Variants in CMC1 observed in about 807,000 individuals in gnomAD.
The protein encoded by CMC1 is COX assembly mitochondrial protein homolog.
In CMC1, 14 loss-of-function variants were observed where a neutral mutation model predicts 14.1. The observed-to-expected ratio is 0.99, with a 90% confidence interval of 0.66 to 1.55. The LOEUF (loss-of-function observed/expected upper bound fraction) is 1.55, where lower values mean the gene tolerates loss of function less well. CMC1 is among the 40% of genes most tolerant of loss of function. The pLI, the probability that CMC1 is intolerant of heterozygous loss-of-function variation, is 0.00. For missense variants in CMC1, 127 were observed against 123.8 expected (o/e 1.03, Z -0.12); for synonymous variants, 50 against 38.4 (o/e 1.30, Z -1.12).
intron 2 of CMC1, among the ~76,000 whole-genome samples, chr3:28,309,129 T>C (rs191224725): frequency 5.8e-4 from 88 of 152,276 alleles, no homozygotes; most frequent in Non-Finnish European, 1.0e-3. Flanking sequence ...TTCTTCTTTT[T>C]CTCCTAGCGT....
In CMC1 at chr3:28,319,320, A is replaced by G. The variant is rs1405655164; in HGVS notation, c.201-189A>G. ...GCTCTATTCTGTGACAGTGCTATAT[A>G]AAAATGAATGATTTGGTCTTTAGTT... On this transcript the variant is annotated intron_variant, in intron 3 of 3. Coordinates refer to ENST00000466830, the MANE Select transcript of CMC1 (RefSeq NM_182523.2). The G allele has an allele frequency of 4.7e-6, 3 of 636,484 alleles. No homozygotes were observed. The Admixed American group carries it at 6.3e-5, about 13-fold the overall frequency. The allele number at this position is 636,484 out of a possible 1,614,324, so 39.4% of individuals were successfully genotyped here. A position where few individuals can be genotyped will look rare whatever the true frequency, so the allele number is the denominator to read the frequency against.
At chr3:28,286,635 T>A (rs1692326568) in intron 2 of CMC1, among the ~76,000 whole-genome samples, 1 of 152,212 alleles carries the variant, frequency 6.6e-6, no homozygotes, top group Admixed American at 6.5e-5. Flanking sequence ...ATATTTTGCA[T>A]TAGTGAATGG....
At chr3:28,283,330 A>G (rs914473802) in intron 2 of CMC1, among the ~76,000 whole-genome samples, 2 of 151,864 alleles carry the variant, frequency 1.3e-5, no homozygotes, top group Non-Finnish European at 1.5e-5. Flanking sequence ...CCTGGCCAAC[A>G]TGGCGAAACC....
chr3:28,252,503 A>G (rs1331669975), intron 1 of CMC1, among the ~76,000 whole-genome samples: 1 of 152,164 alleles, frequency 6.6e-6, no homozygotes, highest in Non-Finnish European at 1.5e-5. Context: ...CTTGCTTTTA[A>G]AAATATTTTT....
Position 28,241,641 on chromosome 3 carries a change from G to T in CMC1, c.-153G>T. The T allele has an allele frequency of 8.1e-7, 1 of 1,232,208 alleles. No homozygotes were observed. The highest frequency in any genetic ancestry group is 3.2e-5 in the East Asian group (1 of 31,648). 76.3% of individuals were successfully genotyped at this position (1,232,208 alleles called of 1,614,324 possible). On this transcript the variant is annotated 5_prime_UTR_variant, in exon 1 of 4. Transcript: ENST00000466830. ...AGGAGCCTGGGAAGGAAGAGGGAAC[G>T]GGTCCTGGCGGTGCTTTGCAAAGGG...
At chr3:28,300,666 T>C in intron 2 of CMC1, among the ~76,000 whole-genome samples, 1 of 89,714 alleles carries the variant, frequency 1.1e-5, no homozygotes, top group Non-Finnish European at 2.2e-5. Flanking sequence ...TCCCTCCCTT[T>C]CCCTCCCTTT....
At chr3:28,249,334 A>G (rs1699007321) in intron 1 of CMC1, among the ~76,000 whole-genome samples, 1 of 152,266 alleles carries the variant, frequency 6.6e-6, no homozygotes, top group Non-Finnish European at 1.5e-5. Flanking sequence ...TGATTGGTAC[A>G]TAATAGGTAC....
intron 2 of CMC1, among the ~76,000 whole-genome samples, chr3:28,283,697 A>G (rs1701030523): frequency 6.6e-6 from 1 of 152,166 alleles, no homozygotes; most frequent in Non-Finnish European, 1.5e-5. Flanking sequence ...ACTGTTCCAG[A>G]CAGATGATAT....
At chr3:28,301,357 C>T (rs1333268756) in intron 2 of CMC1, among the ~76,000 whole-genome samples, 1 of 151,926 alleles carries the variant, frequency 6.6e-6, no homozygotes, top group Non-Finnish European at 1.5e-5. Flanking sequence ...GTAAACAGTA[C>T]TACATGCGTG....
intron 2 of CMC1, among the ~76,000 whole-genome samples, chr3:28,309,685 A>C (rs1702519549): frequency 6.6e-6 from 1 of 152,092 alleles, no homozygotes; most frequent in African/African-American, 2.4e-5. Context: ...TCTGTGCAGA[A>C]GAAAACATGA....
At chr3:28,281,584 A>G (rs1156543752) in intron 2 of CMC1, among the ~76,000 whole-genome samples, 1 of 152,226 alleles carries the variant, frequency 6.6e-6, no homozygotes. Flanking sequence ...GAAGTGCTGT[A>G]GATACAGAGT....
At chr3:28,308,833 A>T (rs1039056352) in intron 2 of CMC1, among the ~76,000 whole-genome samples, 1 of 152,108 alleles carries the variant, frequency 6.6e-6, no homozygotes, top group Non-Finnish European at 1.5e-5. Flanking sequence ...AATACAAAAA[A>T]TTAGCCCTGT....
intron 2 of CMC1, among the ~76,000 whole-genome samples, chr3:28,297,702 A>AT (rs1464526478): frequency 2.0e-5 from 3 of 152,002 alleles, no homozygotes; most frequent in African/African-American, 4.8e-5. Context: ...CAATTGTGAG[A>AT]TTTTACATAA....
intron 1 of CMC1, among the ~76,000 whole-genome samples, chr3:28,257,985 T>G (rs980922838): frequency 2.0e-5 from 3 of 151,050 alleles, no homozygotes; most frequent in Admixed American, 1.3e-4. Flanking sequence ...ATTTTTAATT[T>G]TAGTCATTCT....
intron 3 of CMC1, 154 bp downstream of exon 3, chr3:28,316,577 A>G (rs1197718691): frequency 2.4e-6 from 1 of 408,622 alleles, no homozygotes; most frequent in Non-Finnish European, 4.4e-6. Context: ...AGTCTTAAAA[A>G]TGCAACATAT....
chr3:28,262,343 T>C (rs756609836), intron 1 of CMC1, among the ~76,000 whole-genome samples: 2 of 152,136 alleles, frequency 1.3e-5, no homozygotes, highest in Non-Finnish European at 2.9e-5. Flanking sequence ...TTAATAATAA[T>C]CTAAAATCTT....
At chr3:28,296,434 TA>T (rs1701744890) in intron 2 of CMC1, among the ~76,000 whole-genome samples, 1 of 152,138 alleles carries the variant, frequency 6.6e-6, no homozygotes, top group Non-Finnish European at 1.5e-5. Context: ...TTCATTTCCA[TA>T]AATAAAACTT....
chr3:28,288,281 T>A (rs946133182), intron 2 of CMC1, among the ~76,000 whole-genome samples: 8 of 152,242 alleles, frequency 5.3e-5, no homozygotes, highest in Non-Finnish European at 8.8e-5. Flanking sequence ...TTTACCTTTA[T>A]CATAAAGAGT....
chr3:28,248,720 A>T (rs1351844372), intron 1 of CMC1, among the ~76,000 whole-genome samples: 1 of 152,190 alleles, frequency 6.6e-6, no homozygotes, highest in African/African-American at 2.4e-5. Context: ...GACCAAACAA[A>T]ATTGTGCCCA....
Sources: gnomAD v4.1 joint callset for allele counts (sites outside exome capture counted in the v4.1 genomes callset) on GRCh38, gnomAD v4.1.1 for gene constraint, MANE v1.5 for transcripts, NCBI Gene and HGNC (gene_info 2026-07-23, HGNC 2026-07-21) for gene names.